The following MALRD1 variants were observed in gnomAD, a reference collection of about 807,000 sequenced individuals.
MALRD1 encodes MAM and LDL receptor class A domain containing 1, also known as MAM and LDL-receptor class A domain-containing protein 1.
A neutral mutation model predicts 242.1 loss-of-function variants in MALRD1; 247 were observed. The ratio of observed to expected loss-of-function variants is 1.02; its 90% CI spans 0.92 to 1.13. The LOEUF (loss-of-function observed/expected upper bound fraction) is 1.13, where lower values mean the gene tolerates loss of function less well. Among genes scored for constraint, MALRD1 ranks in the 50% most tolerant of loss-of-function variants. The pLI is 0.00. For synonymous variants in MALRD1, 995 were observed against 866.6 expected (o/e 1.15, Z -2.60); for missense variants, 2,989 against 2,533.1 (o/e 1.18, Z -3.86).
At chr10:19,221,410 A>T (rs1353279749) in intron 18 of MALRD1, among the ~76,000 whole-genome samples, 1 of 152,186 alleles carries the variant, frequency 6.6e-6, no homozygotes, top group Admixed American at 6.5e-5. Flanking sequence ...GCCTGTTGGT[A>T]TGAATCCTGT....
chr10:19,520,292 A>C (rs1833821972), intron 31 of MALRD1, among the ~76,000 whole-genome samples: 1 of 151,916 alleles, frequency 6.6e-6, no homozygotes, highest in Non-Finnish European at 1.5e-5. Context: ...AAAAATGGTA[A>C]TCGATGGTTT....
chr10:19,720,403 A>G (rs972757548), intron 38 of MALRD1, among the ~76,000 whole-genome samples: 6 of 152,238 alleles, frequency 3.9e-5, no homozygotes, highest in African/African-American at 1.4e-4. Context: ...ATTAGATTAC[A>G]GTAACAGGAT....
intron 25 of MALRD1, among the ~76,000 whole-genome samples, chr10:19,350,129 A>G (rs1844308175): frequency 6.6e-6 from 1 of 152,142 alleles, no homozygotes; most frequent in East Asian, 1.9e-4. Flanking sequence ...TATGAGAATC[A>G]CCTCTGCCCC....
At chr10:19,357,217 T>C (rs1844678781) in intron 26 of MALRD1, among the ~76,000 whole-genome samples, 1 of 152,144 alleles carries the variant, frequency 6.6e-6, no homozygotes, top group Non-Finnish European at 1.5e-5. Context: ...TCTCCTCTTA[T>C]TAGCTATTTT....
At chr10:19,132,659 T>TGA (rs1446603441) in intron 8 of MALRD1, among the ~76,000 whole-genome samples, 2 of 152,132 alleles carry the variant, frequency 1.3e-5, no homozygotes, top group Non-Finnish European at 2.9e-5. Context: ...TTCTATCTCA[T>TGA]GCTAGAAAGT....
chr10:19,242,164 G>A (rs1838817544), intron 18 of MALRD1, among the ~76,000 whole-genome samples: 1 of 152,144 alleles, frequency 6.6e-6, no homozygotes, highest in Non-Finnish European at 1.5e-5. Context: ...CAATCGTGAT[G>A]GAAGGCGAAA....
intron 31 of MALRD1, among the ~76,000 whole-genome samples, chr10:19,504,978 G>A (rs539313249): frequency 2.0e-4 from 30 of 152,086 alleles, no homozygotes; most frequent in Non-Finnish European, 3.4e-4. Flanking sequence ...CACCGCGCCC[G>A]GCCTGTAACA....
intron 24 of MALRD1, among the ~76,000 whole-genome samples, chr10:19,341,422 T>G (rs964273958): frequency 6.2e-5 from 9 of 144,632 alleles, no homozygotes; most frequent in Non-Finnish European, 1.2e-4. Context: ...ACAAAATAAG[T>G]AAAATAACAC....
At chr10:19,112,991 T>C (rs183853103) in intron 5 of MALRD1, among the ~76,000 whole-genome samples, 25 of 152,336 alleles carry the variant, frequency 1.6e-4, no homozygotes, top group African/African-American at 5.8e-4. Context: ...AAAAATATTA[T>C]TGAGGGAATG....
Position 19,352,096 on chromosome 10 carries a change from A to G in MALRD1, c.4240A>G (p.Asn1414Asp). ...SVTNQTKVLLNLTVEQGNFWR... is the reference protein window; with the variant it reads ...SVTNQTKVLLDLTVEQGNFWR... Reference sequence around the variant, plus strand: ...CACAAACCAAACGAAGGTTCTACTTAACCTCACTGTAGAACAAGGCAATTT... The same window carrying G: ...CACAAACCAAACGAAGGTTCTACTTGACCTCACTGTAGAACAAGGCAATTT... The change falls in exon 26 of 40, where the codon AAC becomes GAC. Residue 1414 changes from asparagine to aspartate, a missense_variant. Coordinates refer to ENST00000454679, the MANE Select transcript of MALRD1 (RefSeq NM_001142308.3). 2 of 1,550,488 alleles carry G rather than the reference A, an allele frequency of 1.3e-6. No homozygotes were observed. The highest frequency in any genetic ancestry group is 1.7e-6 in the Non-Finnish European group (2 of 1,146,866).
chr10:19,278,491 A>G (rs1388587847), intron 19 of MALRD1, among the ~76,000 whole-genome samples: 1 of 152,052 alleles, frequency 6.6e-6, no homozygotes, highest in Non-Finnish European at 1.5e-5. Flanking sequence ...CCATCTATCC[A>G]TCCATCCATC....
chr10:19,360,420 A>AT (rs1844838867), intron 26 of MALRD1, among the ~76,000 whole-genome samples: 1 of 151,964 alleles, frequency 6.6e-6, no homozygotes, highest in African/African-American at 2.4e-5. Context: ...AATATAAGAT[A>AT]TTTTCCTGGA....
chr10:19,611,370 G>A (rs1354720722), intron 35 of MALRD1, among the ~76,000 whole-genome samples: 1 of 151,890 alleles, frequency 6.6e-6, no homozygotes, highest in Admixed American at 6.6e-5. Flanking sequence ...AGGCTTACTT[G>A]CAAATTATTT....
chr10:19,529,170 T>C (rs1432698743), intron 31 of MALRD1, among the ~76,000 whole-genome samples: 1 of 152,182 alleles, frequency 6.6e-6, no homozygotes, highest in Non-Finnish European at 1.5e-5. Context: ...GAAATATTCC[T>C]AGAGCATTCT....
intron 2 of MALRD1, among the ~76,000 whole-genome samples, chr10:19,069,311 G>T (rs1173938761): frequency 6.6e-6 from 1 of 151,728 alleles, no homozygotes; most frequent in African/African-American, 2.4e-5. Context: ...AAACATGTAC[G>T]CTATTAAACA....
At chr10:19,325,662 A>G (rs970143662) in intron 22 of MALRD1, among the ~76,000 whole-genome samples, 5 of 152,134 alleles carry the variant, frequency 3.3e-5, no homozygotes, top group Non-Finnish European at 7.4e-5. Flanking sequence ...TCTGAAATAA[A>G]TCCACAAATT....
At chr10:19,722,590 T>TAAAAAACAAAAA (rs1834814541) in intron 38 of MALRD1, 1 of 45,366 alleles carries the variant, frequency 2.2e-5, no homozygotes, top group African/African-American at 1.2e-4. Flanking sequence ...ACCATGTCTC[T>TAAAAAACAAAAA]AAAAAAAAAA....
chr10:19,316,270 T>C (rs1339031193), intron 21 of MALRD1, among the ~76,000 whole-genome samples: 1 of 151,766 alleles, frequency 6.6e-6, no homozygotes, highest in Admixed American at 6.6e-5. Context: ...AGTAAAGATG[T>C]AGTGAACATT....
At chr10:19,511,474 A>T (rs1431501881) in intron 31 of MALRD1, among the ~76,000 whole-genome samples, 1 of 152,220 alleles carries the variant, frequency 6.6e-6, no homozygotes, top group Non-Finnish European at 1.5e-5. Flanking sequence ...GCCCATCAAC[A>T]ATTAGGGTTA....
Sources: allele counts gnomAD v4.1 joint callset (sites outside exome capture counted in the v4.1 genomes callset), GRCh38; gene constraint gnomAD v4.1.1; transcripts MANE v1.5; gene names NCBI Gene and HGNC (gene_info 2026-07-23, HGNC 2026-07-21).